The following DUSP22 variants were observed in gnomAD, a reference collection of about 807,000 sequenced individuals.
DUSP22 encodes the protein dual specificity phosphatase 22, also known as dual specificity protein phosphatase 22.
In DUSP22, 24 loss-of-function variants were observed where a neutral mutation model predicts 24.5. That is an observed-to-expected ratio of 0.98 (90% CI 0.71 to 1.38). DUSP22 has a LOEUF of 1.38. DUSP22 is among the 40% of genes most tolerant of loss of function. The pLI is 0.00. For missense variants in DUSP22, 330 were observed against 269.2 expected (o/e 1.23, Z -1.58); for synonymous variants, 160 against 106.4 (o/e 1.50, Z -3.10).
chr6:345,261 G>A (rs1224791228), intron 4 of DUSP22, among the ~76,000 whole-genome samples: 7 of 151,190 alleles, frequency 4.6e-5, no homozygotes, highest in Admixed American at 1.3e-4. Context: ...CCAGGCTGGA[G>A]TGCAGTCGTG....
At chr6:319,411 T>A (rs1455032218) in intron 3 of DUSP22, among the ~76,000 whole-genome samples, 1 of 152,306 alleles carries the variant, frequency 6.6e-6, no homozygotes, top group Non-Finnish European at 1.5e-5. Flanking sequence ...GCAAAGTATG[T>A]CATCCACTTT....
chr6:350,312 A>G lies in DUSP22; in HGVS notation c.*1361A>G. 1 of 999,136 alleles carries G rather than the reference A, an allele frequency of 1.0e-6. No individual in the cohort carries two copies. The allele number at this position is 999,136 out of a possible 1,614,324, so 61.9% of individuals were successfully genotyped here. A position where few individuals can be genotyped will look rare whatever the true frequency, so the allele number is the denominator to read the frequency against. ...TCTACAGTTTGTACTCTGGGGCTGC[A>G]GGCATCCTGGGACGCTGTACGCAAT... is the stretch of plus-strand genomic sequence containing the variant. On this transcript the variant is annotated 3_prime_UTR_variant, in exon 7 of 7. Transcript: ENST00000419235.
intron 3 of DUSP22, among the ~76,000 whole-genome samples, chr6:322,310 T>A (rs1758633712): frequency 6.6e-6 from 1 of 152,308 alleles, no homozygotes; most frequent in Non-Finnish European, 1.5e-5. Flanking sequence ...TGTGAACACG[T>A]GATCTTGGGA....
intron 3 of DUSP22, among the ~76,000 whole-genome samples, chr6:321,397 CT>C (rs1285595880): frequency 6.6e-6 from 1 of 152,300 alleles, no homozygotes; most frequent in Non-Finnish European, 1.5e-5. Flanking sequence ...ATTCCGATTT[CT>C]TTTGCAGGAT....
intron 3 of DUSP22, among the ~76,000 whole-genome samples, chr6:328,773 C>T (rs888071970): frequency 1.6e-4 from 24 of 152,408 alleles, no homozygotes; most frequent in East Asian, 3.9e-4. Flanking sequence ...TCTGCCGTGG[C>T]GGCTTTCTGC....
At chr6:344,424 T>C (rs1759760439) in intron 4 of DUSP22, among the ~76,000 whole-genome samples, 1 of 152,302 alleles carries the variant, frequency 6.6e-6, no homozygotes, top group Admixed American at 6.5e-5. Flanking sequence ...TACCCGGGAC[T>C]ACAGGCATGC....
intron 3 of DUSP22, among the ~76,000 whole-genome samples, chr6:314,014 G>A (rs1758224236): frequency 6.6e-6 from 1 of 152,308 alleles, no homozygotes; most frequent in Admixed American, 6.5e-5. Context: ...AGCCTGAGAT[G>A]AGTCAGGGAA....
chr6:315,542 G>A (rs529902422), intron 3 of DUSP22, among the ~76,000 whole-genome samples: 15 of 152,414 alleles, frequency 9.8e-5, no homozygotes, highest in Non-Finnish European at 1.8e-4. Flanking sequence ...TAGTGGTATC[G>A]GTAGATCTTA....
At chr6:347,405 G>T (rs916638565) in intron 5 of DUSP22, among the ~76,000 whole-genome samples, 1 of 152,306 alleles carries the variant, frequency 6.6e-6, no homozygotes, top group Non-Finnish European at 1.5e-5. Context: ...TTAACCTGTT[G>T]CTAGAACTCT....
intron 3 of DUSP22, among the ~76,000 whole-genome samples, chr6:314,604 T>A (rs1289764197): frequency 3.3e-5 from 5 of 152,308 alleles, no homozygotes; most frequent in Non-Finnish European, 7.3e-5. Flanking sequence ...CCATGCAAGT[T>A]TAGAAAACTT....
chr6:297,581 C>T (rs946509654), intron 1 of DUSP22, among the ~76,000 whole-genome samples: 86 of 152,378 alleles, frequency 5.6e-4, no homozygotes, highest in African/African-American at 1.9e-3. Context: ...GATCTTCACC[C>T]AATAGTTGCC....
chr6:322,814 G>C (rs1758662474), intron 3 of DUSP22, among the ~76,000 whole-genome samples: 1 of 148,970 alleles, frequency 6.7e-6, no homozygotes, highest in Admixed American at 6.7e-5. Flanking sequence ...AGATTCCGTG[G>C]GTTATGGCTG....
At chr6:336,464 C>T (rs546883403) in intron 4 of DUSP22, among the ~76,000 whole-genome samples, 5 of 152,410 alleles carry the variant, frequency 3.3e-5, no homozygotes, top group African/African-American at 9.6e-5. Context: ...AGTTATTGAA[C>T]GCTGGCCATC....
rs369059027 is a variant in DUSP22, at chr6:348,863, G to A, written c.530G>A (p.Arg177His). 115 of 1,614,126 alleles carry A rather than the reference G, an allele frequency of 7.1e-5. 1 individual carries two copies. The highest frequency in any genetic ancestry group is 1.1e-4 in the South Asian group (10 of 91,090). The part of the protein sequence containing the change: ...NILGKYKEQG[R>H]TEPQPGARRW... ...CTGGGTAAATATAAGGAGCAAGGGC[G>A]CACAGAGCCCCAGCCCGGCGCCAGG... The change falls in exon 7 of 7, where the codon CGC becomes CAC. Residue 177 changes from arginine (R) to histidine (H), a missense_variant. Coordinates refer to ENST00000419235, the MANE Select transcript of DUSP22 (RefSeq NM_001286555.3).
chr6:297,033 G>T (rs1757366299), intron 1 of DUSP22, among the ~76,000 whole-genome samples: 1 of 152,304 alleles, frequency 6.6e-6, no homozygotes. Flanking sequence ...GGTGCATCTT[G>T]TTTCCATGGG....
chr6:329,606 C>G (rs1759050612), intron 3 of DUSP22, among the ~76,000 whole-genome samples: 2 of 152,302 alleles, frequency 1.3e-5, no homozygotes, highest in Admixed American at 1.3e-4. Context: ...GTGCATGCCA[C>G]CACGCCTGGC....
chr6:315,976 G>A (rs1758320825), intron 3 of DUSP22, among the ~76,000 whole-genome samples: 4 of 152,300 alleles, frequency 2.6e-5, no homozygotes, highest in African/African-American at 9.6e-5. Context: ...GCCTGTGGAA[G>A]CCCAGAGAAT....
intron 1 of DUSP22, among the ~76,000 whole-genome samples, chr6:296,315 C>T (rs1757326760): frequency 6.6e-6 from 1 of 152,294 alleles, no homozygotes; most frequent in African/African-American, 2.4e-5. Flanking sequence ...GCCACAACTC[C>T]ATGAAGTAGA....
intron 6 of DUSP22, 40 bp downstream of exon 6, chr6:348,314 G>T (rs1467354076): frequency 6.2e-7 from 1 of 1,611,468 alleles, no homozygotes; most frequent in East Asian, 2.2e-5. Context: ...GCAGGCAGGT[G>T]CCCCTGAACG....
Sources: gnomAD v4.1 joint callset for allele counts (sites outside exome capture counted in the v4.1 genomes callset) on GRCh38, gnomAD v4.1.1 for gene constraint, MANE v1.5 for transcripts, NCBI Gene and HGNC (gene_info 2026-07-23, HGNC 2026-07-21) for gene names.